Variants in MACROD2 observed in about 807,000 individuals in gnomAD.
The protein encoded by MACROD2 is ADP-ribose glycohydrolase MACROD2.
Under a neutral mutation model 70.4 loss-of-function variants are expected in MACROD2, and 36 were observed. That is an observed-to-expected ratio of 0.51 (90% CI 0.39 to 0.68). The LOEUF is 0.68. MACROD2 is among the 30% of genes least tolerant of loss of function. The pLI, the probability that MACROD2 is intolerant of heterozygous loss-of-function variation, is 0.00. For synonymous variants in MACROD2, 172 were observed against 178.8 expected (o/e 0.96, Z 0.30); for missense variants, 496 against 538.4 (o/e 0.92, Z 0.78).
chr20:15,514,225 G>A (rs80246704), intron 8 of MACROD2, among the ~76,000 whole-genome samples: 3,307 of 152,266 alleles, frequency 0.022, 121 homozygotes, highest in African/African-American at 0.075. Flanking sequence ...TGTACAGTGT[G>A]TATAAAGTCC....
chr20:15,850,152 G>A (rs11908210), intron 8 of MACROD2, among the ~76,000 whole-genome samples: 4,217 of 152,240 alleles, frequency 0.028, 121 homozygotes, highest in East Asian at 0.13. Flanking sequence ...TAGAGTGCAG[G>A]TAGATTATCT....
chr20:15,466,460 C>T (rs2046890545), intron 7 of MACROD2, among the ~76,000 whole-genome samples: 1 of 152,174 alleles, frequency 6.6e-6, no homozygotes, highest in Non-Finnish European at 1.5e-5. Flanking sequence ...TAGGGTCTGA[C>T]AAAGTGAACG....
chr20:15,828,369 A>AT (rs1257351400), intron 8 of MACROD2, among the ~76,000 whole-genome samples: 1 of 152,150 alleles, frequency 6.6e-6, no homozygotes, highest in East Asian at 1.9e-4. Flanking sequence ...AGTAGAAAAA[A>AT]GTTTGATGGC....
chr20:14,201,837 CA>C (rs1048150695), intron 3 of MACROD2, among the ~76,000 whole-genome samples: 2,165 of 71,040 alleles, frequency 0.03, 35 homozygotes, highest in Middle Eastern at 0.11. Flanking sequence ...GATTCCATCT[CA>C]AAAAAAAAAA....
chr20:14,428,935 C>T (rs1029506613), intron 3 of MACROD2, among the ~76,000 whole-genome samples: 1 of 152,116 alleles, frequency 6.6e-6, no homozygotes, highest in Non-Finnish European at 1.5e-5. Flanking sequence ...TTTGGTCCTC[C>T]AGTAACTAAA....
chr20:15,131,836 A>G (rs1022300735), intron 5 of MACROD2, among the ~76,000 whole-genome samples: 1 of 152,004 alleles, frequency 6.6e-6, no homozygotes, highest in Non-Finnish European at 1.5e-5. Flanking sequence ...TGTAAAACAT[A>G]AGAAGTTGAT....
At chr20:15,828,990 C>A (rs2147113837) in intron 8 of MACROD2, among the ~76,000 whole-genome samples, 1 of 152,156 alleles carries the variant, frequency 6.6e-6, no homozygotes, top group African/African-American at 2.4e-5. Flanking sequence ...TTTCACCTGC[C>A]TGTTATTTAC....
At chr20:15,476,081 A>G (rs979600084) in intron 7 of MACROD2, among the ~76,000 whole-genome samples, 6 of 152,328 alleles carry the variant, frequency 3.9e-5, no homozygotes, top group Admixed American at 1.3e-4. Context: ...GGCCAAATAC[A>G]TCTTTTATTA....
At chr20:15,273,380 C>A (rs2077362687) in intron 6 of MACROD2, among the ~76,000 whole-genome samples, 3 of 151,380 alleles carry the variant, frequency 2.0e-5, no homozygotes, top group African/African-American at 7.3e-5. Flanking sequence ...TACTGTGGGA[C>A]CTTGTGAGCA....
At chr20:14,456,810 G>A (rs537967834) in intron 3 of MACROD2, among the ~76,000 whole-genome samples, 1 of 137,378 alleles carries the variant, frequency 7.3e-6, no homozygotes, top group East Asian at 2.4e-4. Context: ...CCCGCCTCCC[G>A]GGTTCACGCC....
intron 5 of MACROD2, among the ~76,000 whole-genome samples, chr20:15,113,417 A>G (rs1022552390): frequency 1.3e-5 from 2 of 152,222 alleles, no homozygotes; most frequent in Non-Finnish European, 2.9e-5. Flanking sequence ...GCTGCTTAAA[A>G]GTCATATTGA....
intron 10 of MACROD2, chr20:15,893,728 G>A (rs549196618): frequency 2.4e-5 from 11 of 456,686 alleles, no homozygotes; most frequent in South Asian, 9.3e-5. Context: ...GCATATTTAC[G>A]CTTTGTCTTT....
chr20:15,418,853 T>C (rs2046190579), intron 6 of MACROD2, among the ~76,000 whole-genome samples: 1 of 152,200 alleles, frequency 6.6e-6, no homozygotes, highest in Admixed American at 6.5e-5. Context: ...TTCTTCCTTC[T>C]TGTGGCTTTA....
intron 3 of MACROD2, among the ~76,000 whole-genome samples, chr20:14,434,747 C>A (rs2084037112): frequency 6.6e-6 from 1 of 152,132 alleles, no homozygotes; most frequent in Non-Finnish European, 1.5e-5. Flanking sequence ...TTTCTTACAA[C>A]TTTTCATCAA....
At chr20:14,946,989 A>G (rs2074437951) in intron 5 of MACROD2, among the ~76,000 whole-genome samples, 1 of 152,144 alleles carries the variant, frequency 6.6e-6, no homozygotes, top group African/African-American at 2.4e-5. Context: ...AAGGACATTT[A>G]TTTGGGCAAC....
In MACROD2 at chr20:14,020,343, C is replaced by T. The variant is rs537315054; in HGVS notation, c.163+17939C>T. ...CAGAAATTAGCCAGTCGTGGTGGCACATGCCTGTAATCCCAGCTACTCGAG... is the reference window on the plus strand; with the variant it reads ...CAGAAATTAGCCAGTCGTGGTGGCATATGCCTGTAATCCCAGCTACTCGAG... On this transcript the variant is annotated intron_variant, in intron 2 of 17. Transcript: ENST00000684519. Among the ~76,000 whole-genome samples, 33 of 152,252 alleles carry T rather than the reference C, an allele frequency of 2.2e-4. 1 individual carries two copies. The Middle Eastern group carries it at 0.01, about 47-fold the overall frequency.
At chr20:14,682,217 A>C (rs1052522126) in intron 4 of MACROD2, among the ~76,000 whole-genome samples, 2 of 152,132 alleles carry the variant, frequency 1.3e-5, no homozygotes, top group African/African-American at 4.8e-5. Flanking sequence ...TTCATTATCT[A>C]TTTGAAAGCA....
intron 5 of MACROD2, among the ~76,000 whole-genome samples, chr20:15,083,854 C>G (rs1221700505): frequency 6.6e-6 from 1 of 152,092 alleles, no homozygotes; most frequent in East Asian, 1.9e-4. Flanking sequence ...ACTATTCAAA[C>G]ATAGACCACC....
At chr20:15,387,561 T>G (rs1178169597) in intron 6 of MACROD2, among the ~76,000 whole-genome samples, 1 of 151,488 alleles carries the variant, frequency 6.6e-6, no homozygotes, top group Non-Finnish European at 1.5e-5. Context: ...TACATCTTTC[T>G]TCTCTTTTTT....
Sources: gnomAD v4.1 joint callset for allele counts (sites outside exome capture counted in the v4.1 genomes callset) on GRCh38, gnomAD v4.1.1 for gene constraint, MANE v1.5 for transcripts, NCBI Gene and HGNC (gene_info 2026-07-23, HGNC 2026-07-21) for gene names.